Variants in SLC25A24 observed in about 807,000 individuals in gnomAD.
The protein encoded by SLC25A24 is solute carrier family 25 member 24.
In SLC25A24, 49 loss-of-function variants were observed where a neutral mutation model predicts 60.7. The observed-to-expected ratio is 0.81, with a 90% CI of 0.64 to 1.02. The LOEUF (loss-of-function observed/expected upper bound fraction) is 1.02. Ranked by LOEUF, SLC25A24 falls within the 50% of genes least tolerant of loss-of-function variation. The pLI is 0.00. For missense variants in SLC25A24, 564 were observed against 586.3 expected, an observed-to-expected ratio of 0.96 and a Z score of 0.39; for synonymous variants, 202 against 200.6, an observed-to-expected ratio of 1.01 and a Z score of -0.06.
At chr1:108,153,816 T>C (rs891843866) in intron 6 of SLC25A24, among the ~76,000 whole-genome samples, 4 of 152,244 alleles carry the variant, frequency 2.6e-5, no homozygotes, top group African/African-American at 9.6e-5. Flanking sequence ...AAAATGTGCA[T>C]ATTTGCTTGC....
rs973390342 is a variant in SLC25A24 at position 108,135,052 on chromosome 1, A to G, written c.*1601T>C. 2.0e-5 allele frequency: 3 copies of G among 152,234 alleles called. No homozygotes were observed. Among genetic ancestry groups the G allele is most frequent in the African/African-American group, 7.2e-5 (3 of 41,428 alleles). The allele number at this position is 152,234 out of a possible 1,614,324, so 9.4% of individuals were successfully genotyped here. ...GTTTGAAATTTCAAAGTTGTTAGCA[A>G]AATTATTCATTTCCATAATTTTTAC... On this transcript the variant is annotated 3_prime_UTR_variant, in exon 10 of 10. Transcript: ENST00000565488.
chr1:108,141,998 TTTATG>T (rs1375366886), intron 8 of SLC25A24, among the ~76,000 whole-genome samples: 5 of 152,202 alleles, frequency 3.3e-5, no homozygotes, highest in African/African-American at 4.8e-5. Context: ...AATCATAAAC[TTTATG>T]TTATGTGTTT....
chr1:108,182,787 C>G (rs1318780340), intron 2 of SLC25A24, among the ~76,000 whole-genome samples: 1 of 151,896 alleles, frequency 6.6e-6, no homozygotes, highest in East Asian at 1.9e-4. Context: ...GAGCTGAGAT[C>G]GCGCCACTGC....
At chr1:108,177,163 A>T (rs1647703524) in intron 3 of SLC25A24, among the ~76,000 whole-genome samples, 1 of 152,144 alleles carries the variant, frequency 6.6e-6, no homozygotes. Flanking sequence ...GGGTTTTTGC[A>T]ATAAAAATTA....
Position 108,168,824 on chromosome 1 carries a change from A to G in SLC25A24, c.399-7531T>C, listed in dbSNP as rs1647329574. Reference sequence around the variant, plus strand: ...CCAAGTACAGATGCTCTTGATTTTAACGCAGCTGAATTTAATCTTTTTAAT... The same window carrying G: ...CCAAGTACAGATGCTCTTGATTTTAGCGCAGCTGAATTTAATCTTTTTAAT... On this transcript the variant is annotated intron_variant, in intron 3 of 9. Transcript: ENST00000565488. 2.0e-5 allele frequency among the ~76,000 whole-genome samples: 3 copies of G among 152,172 alleles called. No homozygotes were observed. The South Asian group carries it at 6.2e-4, about 31-fold the overall frequency.
chr1:108,163,505 C>G (rs1030320831), intron 3 of SLC25A24, among the ~76,000 whole-genome samples: 11 of 151,384 alleles, frequency 7.3e-5, no homozygotes, highest in Non-Finnish European at 1.2e-4. Flanking sequence ...TGAAGAGGTC[C>G]TTCACATCCC....
rs766798401 is a variant in SLC25A24 at position 108,182,003 on chromosome 1, G to C, written c.336C>G (p.Val112=). Residue 112 remains valine (V), a synonymous_variant, in exon 3 of 10, where the codon GTC becomes GTG. Transcript: ENST00000565488. The part of the protein sequence containing the change: ...NDGKIEASEI[V]QSLQTLGLTI... Reference sequence around the variant, plus strand: ...TCAGACCCAGTGTCTGGAGAGACTGGACAATTTCTGAAGCCTCAATTTTTC... The same window carrying C: ...TCAGACCCAGTGTCTGGAGAGACTGCACAATTTCTGAAGCCTCAATTTTTC... 6.2e-7 allele frequency: 1 copy of C among 1,611,574 alleles called. No homozygotes were observed. Among genetic ancestry groups the C allele is most frequent in the African/African-American group, 1.3e-5 (1 of 74,788 alleles).
chr1:108,163,716 A>G (rs1465364503), intron 3 of SLC25A24, among the ~76,000 whole-genome samples: 3 of 151,422 alleles, frequency 2.0e-5, no homozygotes, highest in Non-Finnish European at 2.9e-5. Flanking sequence ...TTTTCTATAT[A>G]TACAATCATG....
In SLC25A24 at chr1:108,135,224, G is replaced by T. The variant is rs563280175; in HGVS notation, c.*1429C>A. On this transcript the variant is annotated 3_prime_UTR_variant, in exon 10 of 10. Transcript: ENST00000565488. Reference sequence around the variant, plus strand: ...TTTATCAAACATAACTAATATAAATGAAACTACATTTTTAAAAATGTTTCA... The same window carrying T: ...TTTATCAAACATAACTAATATAAATTAAACTACATTTTTAAAAATGTTTCA... 1.3e-4 allele frequency: 20 copies of T among 152,474 alleles called. No homozygotes were observed. Among genetic ancestry groups the T allele is most frequent in the Admixed American group, 5.2e-4 (8 of 15,272 alleles). The allele number at this position is 152,474 out of a possible 1,614,324, so 9.4% of individuals were successfully genotyped here. A position where few individuals can be genotyped will look rare whatever the true frequency, so the allele number is the denominator to read the frequency against.
chr1:108,142,922 T>C (rs1268234694), intron 8 of SLC25A24, among the ~76,000 whole-genome samples: 2 of 152,170 alleles, frequency 1.3e-5, no homozygotes, highest in Non-Finnish European at 2.9e-5. Flanking sequence ...CATTCCACTC[T>C]TCCTCTACGC....
intron 2 of SLC25A24, among the ~76,000 whole-genome samples, chr1:108,183,020 G>T (rs1341242342): frequency 2.0e-5 from 3 of 152,180 alleles, no homozygotes; most frequent in Non-Finnish European, 4.4e-5. Flanking sequence ...AAGCACTGCT[G>T]TATTTCCTTC....
At position 108,139,142 on chromosome 1, in the gene SLC25A24, G is replaced by C; in HGVS notation, c.1165C>G (p.Leu389Val). Residue 389 changes from leucine to valine, a missense_variant, in exon 9 of 10, where the codon CTG becomes GTG. Leu to Val is a conservative substitution (Grantham distance 32). Coordinates refer to ENST00000565488, the MANE Select transcript of SLC25A24 (RefSeq NM_013386.5). ...DSVNPGVMVL[L>V]GCGALSSTCG... ...GTGCTGGATAAGGCACCGCATCCCA[G>C]CAACACCATGACTCCAGGGTTTACA... The C allele has an allele frequency of 6.2e-7, 1 of 1,611,468 alleles. No individual in the cohort carries two copies. The highest frequency in any genetic ancestry group is 2.2e-5 in the East Asian group (1 of 44,766).
chr1:108,181,672 C>T (rs553547558), intron 3 of SLC25A24, among the ~76,000 whole-genome samples: 28 of 152,296 alleles, frequency 1.8e-4, no homozygotes, highest in African/African-American at 6.5e-4. Context: ...TCTTCAGCTC[C>T]TCATCTATGG....
At chr1:108,173,624 A>G (rs998055352) in intron 3 of SLC25A24, among the ~76,000 whole-genome samples, 4 of 152,224 alleles carry the variant, frequency 2.6e-5, no homozygotes, top group Non-Finnish European at 4.4e-5. Flanking sequence ...GGAACTGGGT[A>G]ACAGGCAGAG....
At chr1:108,176,308 G>A (rs1198446824) in intron 3 of SLC25A24, among the ~76,000 whole-genome samples, 1 of 151,942 alleles carries the variant, frequency 6.6e-6, no homozygotes, top group Non-Finnish European at 1.5e-5. Context: ...TCAAAGACAG[G>A]TTATTTGAAA....
chr1:108,155,717 T>C (rs551094871), intron 5 of SLC25A24, among the ~76,000 whole-genome samples: 113 of 152,178 alleles, frequency 7.4e-4, no homozygotes, highest in African/African-American at 2.7e-3. Flanking sequence ...GCACCCTCTT[T>C]GGCATATTTT....
intron 2 of SLC25A24, among the ~76,000 whole-genome samples, chr1:108,184,266 C>G (rs1558025476): frequency 6.6e-6 from 1 of 152,176 alleles, no homozygotes; most frequent in East Asian, 1.9e-4. Context: ...AAGGTAGCTC[C>G]ATCTCTCAGC....
chr1:108,187,922 T>TTTTATATATATATATATATATATATATA (rs1553256761), intron 1 of SLC25A24, among the ~76,000 whole-genome samples: 1 of 51,044 alleles, frequency 2.0e-5, no homozygotes, highest in African/African-American at 8.7e-5. Context: ...GGATAAGACA[T>TTTTATATATATATATATATATATATATA]TATAGATATA....
At chr1:108,181,063 G>A (rs1169676186) in intron 3 of SLC25A24, among the ~76,000 whole-genome samples, 1 of 152,106 alleles carries the variant, frequency 6.6e-6, no homozygotes, top group African/African-American at 2.4e-5. Flanking sequence ...CATTTCCTCA[G>A]GAAAGCCCTT....
Sources: gnomAD v4.1 joint callset for allele counts (sites outside exome capture counted in the v4.1 genomes callset) on GRCh38, gnomAD v4.1.1 for gene constraint, MANE v1.5 for transcripts, NCBI Gene and HGNC (gene_info 2026-07-23, HGNC 2026-07-21) for gene names.